Variants in PRR16 observed in about 807,000 individuals in gnomAD.
PRR16 encodes the protein protein Largen.
In PRR16, 6 loss-of-function variants were observed where a neutral mutation model predicts 18.2. That is an observed-to-expected ratio of 0.33 (90% CI 0.18 to 0.65). The LOEUF (loss-of-function observed/expected upper bound fraction) is 0.65, where lower values mean the gene tolerates loss of function less well. Among genes scored for constraint, PRR16 ranks in the 30% least tolerant of loss-of-function variants. PRR16 has a pLI of 0.74. For synonymous variants in PRR16, 151 were observed against 147.8 expected, an observed-to-expected ratio of 1.02 and a Z score of -0.16; for missense variants, 412 against 376.6, an observed-to-expected ratio of 1.09 and a Z score of -0.78.
chr5:120,683,654 G>A (rs1757038636), intron 1 of PRR16, among the ~76,000 whole-genome samples: 1 of 151,836 alleles, frequency 6.6e-6, no homozygotes, highest in Non-Finnish European at 1.5e-5. Context: ...CTTTTTAATT[G>A]TATGCTACTG....
At chr5:120,702,012 A>G in the PRR16 span, among the ~76,000 whole-genome samples, 1 of 152,226 alleles carries the variant, frequency 6.6e-6, no homozygotes, top group Non-Finnish European at 1.5e-5. Context: ...AGAGGTTTTA[A>G]GTTTTTGAGA....
At chr5:120,760,216 G>T in the PRR16 span, among the ~76,000 whole-genome samples, 18 of 152,238 alleles carry the variant, frequency 1.2e-4, no homozygotes, top group Admixed American at 1.0e-3. Flanking sequence ...GTAAGAGGAG[G>T]ATGGTAGAAT....
chr5:120,481,663 A>T (rs1307131356), intron 1 of PRR16, among the ~76,000 whole-genome samples: 3 of 152,192 alleles, frequency 2.0e-5, no homozygotes, highest in Admixed American at 2.0e-4. Context: ...TATAATTTAA[A>T]AATAAGATGT....
chr5:120,683,190 A>G (rs1757023854), intron 1 of PRR16, among the ~76,000 whole-genome samples: 5 of 152,186 alleles, frequency 3.3e-5, no homozygotes. Context: ...AAAATCAATC[A>G]TATTTTTTAA....
At chr5:120,495,576 A>G (rs1256004488) in intron 1 of PRR16, among the ~76,000 whole-genome samples, 2 of 152,136 alleles carry the variant, frequency 1.3e-5, no homozygotes, top group Admixed American at 6.5e-5. Context: ...ATTTCTTTCC[A>G]TAAATATTTT....
Position 120,686,835 on chromosome 5 carries a change from T to C in PRR16, c.*126T>C. 2 of 729,804 alleles carry C rather than the reference T, an allele frequency of 2.7e-6. No individual in the cohort carries two copies. The highest frequency in any genetic ancestry group is 2.0e-6 in the Non-Finnish European group (1 of 503,460). 45.2% of individuals were successfully genotyped at this position (729,804 alleles called of 1,614,324 possible). A position where few individuals can be genotyped will look rare whatever the true frequency, so the allele number is the denominator to read the frequency against. On this transcript the variant is annotated 3_prime_UTR_variant, in exon 2 of 2. Coordinates refer to ENST00000407149, the MANE Select transcript of PRR16 (RefSeq NM_001300783.2). Reference sequence around the variant, plus strand: ...TAATCCTGCATTCAGCAAAGTGGCATAAAAATCACCTGGTAAGTATGCAGC... The same window carrying C: ...TAATCCTGCATTCAGCAAAGTGGCACAAAAATCACCTGGTAAGTATGCAGC...
chr5:120,716,801 G>A, the PRR16 span, among the ~76,000 whole-genome samples: 1 of 152,144 alleles, frequency 6.6e-6, no homozygotes, highest in Non-Finnish European at 1.5e-5. Context: ...AAGTCTGGGA[G>A]GCGGAGATTG....
intron 1 of PRR16, among the ~76,000 whole-genome samples, chr5:120,481,769 A>G (rs1287379540): frequency 6.6e-6 from 1 of 152,166 alleles, no homozygotes; most frequent in Non-Finnish European, 1.5e-5. Context: ...TTTAAATTGT[A>G]GCATTTTTGT....
the PRR16 span, among the ~76,000 whole-genome samples, chr5:120,774,375 A>AT: frequency 1.3e-5 from 2 of 151,972 alleles, no homozygotes; most frequent in Admixed American, 6.6e-5. Context: ...TTTCTCATGA[A>AT]TTTTTTTCTT....
chr5:120,739,634 T>TGTA, the PRR16 span, among the ~76,000 whole-genome samples: 4 of 152,296 alleles, frequency 2.6e-5, no homozygotes, highest in South Asian at 8.3e-4. Context: ...TCAACAACCC[T>TGTA]AAATTTAAAC....
chr5:120,494,820 C>T (rs1400927664), intron 1 of PRR16, among the ~76,000 whole-genome samples: 1 of 152,030 alleles, frequency 6.6e-6, no homozygotes, highest in Non-Finnish European at 1.5e-5. Flanking sequence ...TGTCCATTTG[C>T]TCAGCACCAT....
chr5:120,520,228 C>T (rs1021851663), intron 1 of PRR16, among the ~76,000 whole-genome samples: 2 of 151,932 alleles, frequency 1.3e-5, no homozygotes, highest in African/African-American at 2.4e-5. Context: ...AACCTTGTAT[C>T]CACTAAAAAT....
chr5:120,702,725 AGAAG>A, the PRR16 span, among the ~76,000 whole-genome samples: 1 of 152,108 alleles, frequency 6.6e-6, no homozygotes, highest in African/African-American at 2.4e-5. Context: ...TGAAATTAAG[AGAAG>A]GGAGAGGTTG....
intron 1 of PRR16, among the ~76,000 whole-genome samples, chr5:120,637,754 C>A (rs1351557634): frequency 6.6e-6 from 1 of 152,078 alleles, no homozygotes; most frequent in African/African-American, 2.4e-5. Flanking sequence ...TTGGGAGAGA[C>A]TGAGGTGGAA....
At chr5:120,508,686 T>C (rs1365578568) in intron 1 of PRR16, among the ~76,000 whole-genome samples, 1 of 152,142 alleles carries the variant, frequency 6.6e-6, no homozygotes, top group Non-Finnish European at 1.5e-5. Flanking sequence ...CAGAGACTTA[T>C]TTGGATAACG....
intron 1 of PRR16, among the ~76,000 whole-genome samples, chr5:120,555,552 A>G (rs1211848315): frequency 6.6e-6 from 1 of 151,232 alleles, no homozygotes; most frequent in East Asian, 2.0e-4. Flanking sequence ...AGAGAGAGAG[A>G]TCTGATCTCT....
intron 1 of PRR16, among the ~76,000 whole-genome samples, chr5:120,673,887 G>A (rs963187468): frequency 4.0e-5 from 6 of 151,710 alleles, no homozygotes; most frequent in Non-Finnish European, 7.4e-5. Flanking sequence ...CCTAGGAGGC[G>A]GTGGCTACAG....
At chr5:120,618,230 T>C (rs1754577041) in intron 1 of PRR16, among the ~76,000 whole-genome samples, 1 of 152,136 alleles carries the variant, frequency 6.6e-6, no homozygotes, top group Admixed American at 6.6e-5. Context: ...TATATTAACA[T>C]GTTTACAATT....
chr5:120,500,306 C>A (rs1411086416), intron 1 of PRR16, among the ~76,000 whole-genome samples: 1 of 152,154 alleles, frequency 6.6e-6, no homozygotes, highest in Non-Finnish European at 1.5e-5. Flanking sequence ...GGGAACTCAC[C>A]ATCTCTTTTT....
Sources: gnomAD v4.1 joint callset for allele counts (sites outside exome capture counted in the v4.1 genomes callset) on GRCh38, gnomAD v4.1.1 for gene constraint, MANE v1.5 for transcripts, NCBI Gene and HGNC (gene_info 2026-07-23, HGNC 2026-07-21) for gene names.